The following CYP11A1 variants were observed in gnomAD, a reference collection of about 807,000 sequenced individuals.
CYP11A1 encodes cytochrome P450 family 11 subfamily A member 1.
In CYP11A1, 25 loss-of-function variants were observed where a neutral mutation model predicts 51.9. The observed-to-expected ratio is 0.48, with a 90% CI of 0.35 to 0.67. The LOEUF is 0.67. CYP11A1 is among the 30% of genes least tolerant of loss of function. CYP11A1 has a pLI of 0.00. For missense variants in CYP11A1, 578 were observed against 680.9 expected, an observed-to-expected ratio of 0.85 and a Z score of 1.68; for synonymous variants, 245 against 262.1, an observed-to-expected ratio of 0.93 and a Z score of 0.63.
intron 1 of CYP11A1, among the ~76,000 whole-genome samples, chr15:74,352,263 T>TA (rs2060659527): frequency 3.0e-5 from 4 of 132,080 alleles, no homozygotes; most frequent in East Asian, 2.2e-4. Context: ...GTCTTTGCTA[T>TA]CTTTTTTTTT....
intron 1 of CYP11A1, chr15:74,361,299 C>G (rs12916765): frequency 0.55 from 100,770 of 182,366 alleles, 30,072 homozygotes; most frequent in Non-Finnish European, 0.67. Context: ...TGGGATTTCT[C>G]AAATTCTAAT....
chr15:74,339,341 T>G, intron 6 of CYP11A1, 26 bp from the exon 7 acceptor site: 1 of 1,607,280 alleles, frequency 6.2e-7, no homozygotes, highest in Non-Finnish European at 8.5e-7. Flanking sequence ...ACTCAGAAGC[T>G]GATGGCCCCA....
intron 1 of CYP11A1, among the ~76,000 whole-genome samples, chr15:74,353,362 A>C (rs2060664379): frequency 6.6e-6 from 1 of 152,220 alleles, no homozygotes; most frequent in Non-Finnish European, 1.5e-5. Context: ...GTCTTGATTA[A>C]AGTAAGAAGT....
rs148243416 is a variant in CYP11A1 at position 74,344,626 on chromosome 15, A to G, written c.625+418T>C. 1.5e-4 allele frequency among the ~76,000 whole-genome samples: 23 copies of G among 152,188 alleles called. 2 individuals carry two copies. ...CTTACCCCATCTAGATAACTCCTAC[A>G]GATTCCTCAATGCCTACCTCAGATT... On this transcript the variant is annotated intron_variant, in intron 3 of 8. Transcript: ENST00000268053.
At chr15:74,352,190 G>A (rs923678181) in intron 1 of CYP11A1, among the ~76,000 whole-genome samples, 9 of 151,676 alleles carry the variant, frequency 5.9e-5, no homozygotes, top group Non-Finnish European at 1.3e-4. Flanking sequence ...AAAATTATTG[G>A]TGGAATAAAA....
chr15:74,344,789 T>C, intron 3 of CYP11A1: 1 of 534,698 alleles, frequency 1.9e-6, no homozygotes, highest in Non-Finnish European at 3.4e-6. Flanking sequence ...TGGGGACCCT[T>C]GCTCCTACAG....
intron 1 of CYP11A1, chr15:74,362,814 C>G (rs1047621514): frequency 2.0e-5 from 3 of 152,176 alleles, no homozygotes; most frequent in Admixed American, 6.5e-5. Flanking sequence ...TTATGGGGAA[C>G]ATTTTTATTT....
At chr15:74,356,919 C>G (rs546689664) in intron 1 of CYP11A1, among the ~76,000 whole-genome samples, 1 of 152,274 alleles carries the variant, frequency 6.6e-6, no homozygotes, top group African/African-American at 2.4e-5. Context: ...ATGCTAATAT[C>G]CTATCCCACA....
chr15:74,361,687 T>C, intron 1 of CYP11A1: 2 of 1,224,954 alleles, frequency 1.6e-6, no homozygotes, highest in Middle Eastern at 1.9e-4. Flanking sequence ...GAGGAAGGAT[T>C]TGGTTATAAG....
Position 74,343,859 on chromosome 15 carries a change from G to C in CYP11A1, c.759C>G (p.Asp253Glu). The change falls in exon 4 of 9, where the codon GAC (aspartate) becomes GAG (glutamate). Residue 253 changes from aspartate to glutamate, a missense_variant. Physicochemically the swap from Asp to Glu is conservative, Grantham distance 45 (BLOSUM62 2). Transcript: ENST00000268053. ...TCTTGGTCCTGAACAGACGGAACAG[G>C]TCTGGGGGAAGGTTGAGCATGGGGA... ...TSVPMLNLPP[D>E]LFRLFRTKTW... 6.2e-7 allele frequency: 1 copy of C among 1,613,924 alleles called. No homozygotes were observed. The highest frequency in any genetic ancestry group is 8.5e-7 in the Non-Finnish European group (1 of 1,180,032).
chr15:74,354,098 T>C (rs2060666863), intron 1 of CYP11A1, among the ~76,000 whole-genome samples: 1 of 152,202 alleles, frequency 6.6e-6, no homozygotes, highest in African/African-American at 2.4e-5. Context: ...AATGTGTTTG[T>C]TTGCATACAG....
chr15:74,367,194 A>AAG (rs1555426933), intron 1 of CYP11A1, 123 bp downstream of exon 1: 129 of 978,684 alleles, frequency 1.3e-4, no homozygotes, highest in South Asian at 1.7e-4. Flanking sequence ...AAAAAAAAAA[A>AAG]AAGAAGTTAG....
chr15:74,337,936 C>A lies in CYP11A1; in HGVS notation c.*36G>T. 1 of 1,612,880 alleles carries A rather than the reference C, an allele frequency of 6.2e-7. No homozygotes were observed. The highest frequency in any genetic ancestry group is 1.1e-5 in the South Asian group (1 of 90,996). On this transcript the variant is annotated 3_prime_UTR_variant, in exon 9 of 9. Coordinates refer to ENST00000268053, the MANE Select transcript of CYP11A1 (RefSeq NM_000781.3). ...AGACCCCATGGGCCCCACCCCTGGG[C>A]CTTCCTCCCATGTGGCTGCAGGCCA...
intron 7 of CYP11A1, 114 bp downstream of exon 7, chr15:74,339,123 G>T: frequency 1.1e-6 from 1 of 876,556 alleles, no homozygotes; most frequent in Non-Finnish European, 1.9e-6. Flanking sequence ...TTCAGACTTA[G>T]ACTGCTGCCA....
chr15:74,343,835 C>T lies in CYP11A1; in HGVS notation c.783G>A (p.Lys261=). 1 of 1,613,576 alleles carries T rather than the reference C, an allele frequency of 6.2e-7. No individual in the cohort carries two copies. Among genetic ancestry groups the T allele is most frequent in the Non-Finnish European group, 8.5e-7 (1 of 1,180,034 alleles). The change falls in exon 4 of 9, where the codon AAG becomes AAA. Residue 261 remains lysine (K), a synonymous_variant. Coordinates refer to ENST00000268053, the MANE Select transcript of CYP11A1 (RefSeq NM_000781.3). ...PPDLFRLFRT[K]TWKDHVAAWD... ...ATGCAGCCACATGGTCCTTCCAGGT[C>T]TTGGTCCTGAACAGACGGAACAGGT...
At chr15:74,340,635 G>C (rs569750979) in intron 5 of CYP11A1, among the ~76,000 whole-genome samples, 1 of 152,256 alleles carries the variant, frequency 6.6e-6, no homozygotes, top group East Asian at 1.9e-4. Context: ...GTTTACATAT[G>C]TTACCTCGTT....
intron 1 of CYP11A1, among the ~76,000 whole-genome samples, chr15:74,355,389 C>T (rs2060674577): frequency 6.6e-6 from 1 of 152,168 alleles, no homozygotes; most frequent in African/African-American, 2.4e-5. Flanking sequence ...TCTGAGGTAC[C>T]TGACACCCAG....
Position 74,344,542 on chromosome 15 carries a change from T to G in CYP11A1, c.625+502A>C, listed in dbSNP as rs147580740. Among the ~76,000 whole-genome samples the G allele has an allele frequency of 1.5e-3, 227 of 152,314 alleles. 2 individuals are homozygous for G. The South Asian group carries it at 0.018, about 12-fold the overall frequency. On this transcript the variant is annotated intron_variant, in intron 3 of 8. Transcript: ENST00000268053. ...AATCTCTTGCTGTGACCACACAATC[T>G]TCATCAAGCCACAGGGCCTTTGTAT... is the stretch of plus-strand genomic sequence containing the variant.
At chr15:74,355,226 C>T (rs769162685) in intron 1 of CYP11A1, among the ~76,000 whole-genome samples, 21 of 152,270 alleles carry the variant, frequency 1.4e-4, no homozygotes, top group South Asian at 4.1e-4. Flanking sequence ...TCAACTCACA[C>T]GTGACCTAAA....
Sources: allele counts gnomAD v4.1 joint callset (sites outside exome capture counted in the v4.1 genomes callset), GRCh38; gene constraint gnomAD v4.1.1; transcripts MANE v1.5; gene names NCBI Gene and HGNC (gene_info 2026-07-23, HGNC 2026-07-21).